Variants in BCKDHB observed in about 807,000 individuals in gnomAD.
The protein encoded by BCKDHB is 2-oxoisovalerate dehydrogenase subunit beta, mitochondrial.
BCKDHB carries 41 observed loss-of-function variants against 48.5 expected under a neutral mutation model. The ratio of observed to expected loss-of-function variants is 0.85; its 90% confidence interval spans 0.66 to 1.10. The LOEUF is 1.10. Among genes scored for constraint, BCKDHB ranks in the 50% least tolerant of loss-of-function variants. The pLI, the probability that BCKDHB is intolerant of heterozygous loss-of-function variation, is 0.00. For synonymous variants in BCKDHB, 201 were observed against 174.8 expected, an observed-to-expected ratio of 1.15 and a Z score of -1.18; for missense variants, 496 against 494.2, an observed-to-expected ratio of 1.00 and a Z score of -0.03.
the BCKDHB span, chr6:80,374,651 T>C: frequency 1.1e-5 from 5 of 473,592 alleles, no homozygotes; most frequent in Non-Finnish European, 1.9e-5. Context: ...TTACATTCAA[T>C]GTTATTATTG....
chr6:80,385,986 C>A, the BCKDHB span, among the ~76,000 whole-genome samples: 1 of 152,028 alleles, frequency 6.6e-6, no homozygotes, highest in East Asian at 1.9e-4. Flanking sequence ...AGCTGAAATG[C>A]GGATTAAAAG....
At chr6:80,445,381 A>G in the BCKDHB span, among the ~76,000 whole-genome samples, 1 of 152,104 alleles carries the variant, frequency 6.6e-6, no homozygotes, top group Non-Finnish European at 1.5e-5. Flanking sequence ...TTTTGCTATC[A>G]GTTTTCTTTT....
chr6:80,278,333 A>G (rs1308269003), intron 9 of BCKDHB, among the ~76,000 whole-genome samples: 1 of 152,208 alleles, frequency 6.6e-6, no homozygotes, highest in Admixed American at 6.5e-5. Context: ...TTAAAACTGT[A>G]GTTTCTTCCT....
chr6:80,270,530 T>C (rs1387771815), intron 8 of BCKDHB, among the ~76,000 whole-genome samples: 1 of 152,146 alleles, frequency 6.6e-6, no homozygotes, highest in Admixed American at 6.6e-5. Context: ...TGATTACTTT[T>C]ATTGTATTTT....
chr6:80,265,997 C>T (rs753495794), intron 8 of BCKDHB, among the ~76,000 whole-genome samples: 40 of 152,028 alleles, frequency 2.6e-4, no homozygotes, highest in Non-Finnish European at 5.3e-4. Context: ...CCAAATGCCT[C>T]CTGCCATTGC....
chr6:80,350,955 T>G (rs1450671179), downstream of BCKDHB, among the ~76,000 whole-genome samples: 2 of 152,208 alleles, frequency 1.3e-5, no homozygotes, highest in East Asian at 1.9e-4. Flanking sequence ...CAGAAGGCTC[T>G]CAATATGTTG....
the BCKDHB span, among the ~76,000 whole-genome samples, chr6:80,395,033 C>T: frequency 6.6e-6 from 1 of 152,164 alleles, no homozygotes; most frequent in South Asian, 2.1e-4. Flanking sequence ...CTGAGGCCCT[C>T]CCAGCCATGT....
At chr6:80,378,352 A>G in the BCKDHB span, among the ~76,000 whole-genome samples, 5 of 151,934 alleles carry the variant, frequency 3.3e-5, no homozygotes, top group Admixed American at 2.6e-4. Context: ...TCCACTTTTG[A>G]GTTAGTTTAC....
chr6:80,287,015 A>C (rs1045807215), intron 9 of BCKDHB, among the ~76,000 whole-genome samples: 4 of 152,160 alleles, frequency 2.6e-5, no homozygotes, highest in African/African-American at 9.7e-5. Flanking sequence ...AAGTGACCAT[A>C]GTTTCAGCTT....
intron 8 of BCKDHB, among the ~76,000 whole-genome samples, chr6:80,234,108 A>T (rs1408404812): frequency 1.3e-5 from 2 of 152,050 alleles, no homozygotes; most frequent in African/African-American, 4.8e-5. Context: ...TGCTGCTCTG[A>T]CAGGAGGCAG....
chr6:80,115,667 C>T (rs531833189), intron 1 of BCKDHB, among the ~76,000 whole-genome samples: 4 of 149,934 alleles, frequency 2.7e-5, no homozygotes, highest in East Asian at 3.9e-4. Context: ...GACAGAGTCT[C>T]GCTCTGTCAC....
chr6:80,114,989 T>C (rs1486324602), intron 1 of BCKDHB, among the ~76,000 whole-genome samples: 1 of 152,254 alleles, frequency 6.6e-6, no homozygotes, highest in Non-Finnish European at 1.5e-5. Flanking sequence ...ACCCAGTCTC[T>C]TCAACTTTAC....
intron 9 of BCKDHB, among the ~76,000 whole-genome samples, chr6:80,303,841 A>T (rs1342702031): frequency 6.6e-6 from 1 of 152,040 alleles, no homozygotes. Flanking sequence ...GTGGTCTGTT[A>T]CCTTAAATGA....
chr6:80,128,888 G>A (rs931995018), intron 2 of BCKDHB, among the ~76,000 whole-genome samples: 1 of 151,802 alleles, frequency 6.6e-6, no homozygotes, highest in African/African-American at 2.4e-5. Context: ...GTGTGTGTGT[G>A]TGTGTGTGTG....
chr6:80,220,861 A>G (rs1775416237), intron 8 of BCKDHB, among the ~76,000 whole-genome samples: 1 of 151,338 alleles, frequency 6.6e-6, no homozygotes, highest in East Asian at 2.0e-4. Flanking sequence ...CAGCCTCCCA[A>G]GTAGCTGGGA....
chr6:80,417,582 C>A, the BCKDHB span, among the ~76,000 whole-genome samples: 1 of 152,148 alleles, frequency 6.6e-6, no homozygotes, highest in African/African-American at 2.4e-5. Flanking sequence ...GATCTTATTT[C>A]TCCTTCACTT....
In BCKDHB at chr6:80,345,973, A is replaced by G. The variant is rs1433143180; in HGVS notation, c.*2169A>G. 6.6e-6 allele frequency: 1 copy of G among 152,248 alleles called. No individual in the cohort carries two copies. The highest frequency in any genetic ancestry group is 1.5e-5 in the Non-Finnish European group (1 of 68,044). 9.4% of individuals were successfully genotyped at this position (152,248 alleles called of 1,614,324 possible). A position where few individuals can be genotyped will look rare whatever the true frequency, so the allele number is the denominator to read the frequency against. ...TGAGAAAGTCTATAATTTATTTTAC[A>G]GAAAAGCTGGAAGATTATGACTAGA... On this transcript the variant is annotated 3_prime_UTR_variant, in exon 10 of 10. Coordinates refer to ENST00000320393, the MANE Select transcript of BCKDHB (RefSeq NM_183050.4).
intron 9 of BCKDHB, among the ~76,000 whole-genome samples, chr6:80,284,573 G>A (rs149305726): frequency 6.6e-6 from 1 of 152,142 alleles, no homozygotes; most frequent in African/African-American, 2.4e-5. Flanking sequence ...AATGACATTT[G>A]CTGTTTAAGA....
intron 1 of BCKDHB, among the ~76,000 whole-genome samples, chr6:80,114,276 T>G (rs1160234920): frequency 2.0e-5 from 3 of 150,844 alleles, no homozygotes; most frequent in Admixed American, 1.3e-4. Context: ...AAATACAGGG[T>G]CTCACTCTCT....
Sources: allele counts gnomAD v4.1 joint callset (sites outside exome capture counted in the v4.1 genomes callset), GRCh38; gene constraint gnomAD v4.1.1; transcripts MANE v1.5; gene names NCBI Gene and HGNC (gene_info 2026-07-23, HGNC 2026-07-21).